PTPRT: variants seen among roughly 807,000 people sequenced by gnomAD.
PTPRT encodes the protein protein tyrosine phosphatase receptor type T.
Under a neutral mutation model 176.8 loss-of-function variants are expected in PTPRT, and 56 were observed. The observed-to-expected ratio is 0.32, with a 90% CI of 0.26 to 0.40. The LOEUF (loss-of-function observed/expected upper bound fraction) is 0.40. PTPRT is among the 10% of genes least tolerant of loss of function. The probability of loss-of-function intolerance (pLI) is 1.00; values close to 1 mark genes in which losing one functional copy is unlikely to be tolerated. For synonymous variants in PTPRT, 783 were observed against 739.0 expected (o/e 1.06, Z -0.96); for missense variants, 1,540 against 1,908.2 (o/e 0.81, Z 3.60).
At chr20:42,032,339 G>A in the PTPRT span, among the ~76,000 whole-genome samples, 3 of 152,112 alleles carry the variant, frequency 2.0e-5, no homozygotes, top group Non-Finnish European at 4.4e-5. Context: ...TCAATGTCCT[G>A]GAAGAGAAGA....
chr20:42,581,671 A>C (rs1204345761), intron 7 of PTPRT, among the ~76,000 whole-genome samples: 1 of 152,224 alleles, frequency 6.6e-6, no homozygotes, highest in Admixed American at 6.5e-5. Context: ...GTTTGCATAG[A>C]GAAGGAAATA....
intron 2 of PTPRT, among the ~76,000 whole-genome samples, chr20:42,861,609 GA>G (rs1301857352): frequency 6.6e-6 from 1 of 151,656 alleles, no homozygotes; most frequent in Non-Finnish European, 1.5e-5. Flanking sequence ...TTCTCTTAGG[GA>G]AAACAGTTAC....
At chr20:42,525,335 T>C (rs927182408) in intron 7 of PTPRT, among the ~76,000 whole-genome samples, 11 of 152,202 alleles carry the variant, frequency 7.2e-5, no homozygotes, top group African/African-American at 2.4e-4. Context: ...TATTTGGTCA[T>C]TCACTGAGGG....
intron 1 of PTPRT, among the ~76,000 whole-genome samples, chr20:43,001,569 G>C (rs1001203605): frequency 1.3e-5 from 2 of 151,498 alleles, no homozygotes; most frequent in Non-Finnish European, 2.9e-5. Flanking sequence ...TTCTTAAAAT[G>C]AATCCAAAAC....
At chr20:43,132,844 C>A (rs2013688672) in intron 1 of PTPRT, among the ~76,000 whole-genome samples, 1 of 151,918 alleles carries the variant, frequency 6.6e-6, no homozygotes, top group East Asian at 1.9e-4. Flanking sequence ...TAGTTATTTG[C>A]AAAACTTGGA....
In PTPRT at chr20:42,472,485, C is replaced by T. The variant is rs756719404; in HGVS notation, c.1231G>A (p.Gly411Ser). 22 of 1,614,120 alleles carry T rather than the reference C, an allele frequency of 1.4e-5. No homozygotes were observed. Among genetic ancestry groups the T allele is most frequent in the South Asian group, 5.5e-5 (5 of 91,088 alleles). Reference protein sequence around the residue: ...RQLTLQWEPFGYAVTRCHSYN... With the variant: ...RQLTLQWEPFSYAVTRCHSYN... ...CTATGGCAGCGGGTCACCGCGTAGC[C>T]GAAGGGCTCCCACTGCAGGGTCAGC... Residue 411 changes from glycine to serine, a missense_variant, in exon 8 of 31, where the codon GGC (glycine) becomes AGC (serine). Gly to Ser is a moderately conservative substitution (Grantham distance 56, BLOSUM62 0). Transcript: ENST00000373187.
At chr20:43,172,869 CTTTT>C (rs1156414727) in intron 1 of PTPRT, among the ~76,000 whole-genome samples, 2 of 117,512 alleles carry the variant, frequency 1.7e-5, no homozygotes, top group African/African-American at 3.4e-5. Context: ...AGTCTGCAGT[CTTTT>C]TTTTTTTTTT....
rs749979947 is a variant in PTPRT, at chr20:42,199,275, C to G, written c.2456G>C (p.Gly819Ala). 9.3e-6 allele frequency: 15 copies of G among 1,614,046 alleles called. No individual in the cohort carries two copies. The highest frequency in any genetic ancestry group is 8.8e-5 in the South Asian group (8 of 91,070). The part of the protein sequence containing the change: ...TKLSASRNDE[G>A]FSSSSQDVNG... ...GACGTCCTGAGAACTAGAAGAGAAG[C>G]CTTCATCATTGCGGCTGGCGCTGAG... The change falls in exon 16 of 31, where the codon GGC becomes GCC. Residue 819 changes from glycine to alanine, a missense_variant. Physicochemically the swap from Gly to Ala is moderately conservative, Grantham distance 60. This residue lies in a region of PTPRT where 255 missense variants were observed against 250.1 expected (regional missense o/e 1.02). Coordinates refer to ENST00000373187, the MANE Select transcript of PTPRT (RefSeq NM_007050.6).
At chr20:42,200,955 T>C (rs1991424069) in intron 15 of PTPRT, among the ~76,000 whole-genome samples, 1 of 152,202 alleles carries the variant, frequency 6.6e-6, no homozygotes, top group South Asian at 2.1e-4. Context: ...GCCCCACTGA[T>C]CATGAAACAG....
chr20:42,142,997 C>T (rs2146421631), intron 17 of PTPRT, among the ~76,000 whole-genome samples: 1 of 152,130 alleles, frequency 6.6e-6, no homozygotes, highest in South Asian at 2.1e-4. Flanking sequence ...CAGGCAGCAA[C>T]CAAATGACCA....
At chr20:42,293,554 T>A (rs1412189393) in intron 12 of PTPRT, among the ~76,000 whole-genome samples, 1 of 152,184 alleles carries the variant, frequency 6.6e-6, no homozygotes, top group East Asian at 1.9e-4. Context: ...ATCATTTGTA[T>A]CCTAACTTTT....
chr20:43,020,156 ATG>A (rs1473850786), intron 1 of PTPRT, among the ~76,000 whole-genome samples: 9 of 146,238 alleles, frequency 6.2e-5, no homozygotes, highest in South Asian at 2.1e-4. Flanking sequence ...ACATATGTGC[ATG>A]TGTGTTTGTC....
At chr20:42,908,290 C>G (rs888194359) in intron 1 of PTPRT, among the ~76,000 whole-genome samples, 1 of 152,130 alleles carries the variant, frequency 6.6e-6, no homozygotes, top group Non-Finnish European at 1.5e-5. Context: ...AGAAGCACGT[C>G]TGAATTTTTA....
intron 7 of PTPRT, among the ~76,000 whole-genome samples, chr20:42,545,504 A>T (rs1001130350): frequency 2.0e-5 from 3 of 152,032 alleles, no homozygotes; most frequent in Non-Finnish European, 4.4e-5. Context: ...ATTTTGCTCA[A>T]CCCACACTTT....
intron 1 of PTPRT, among the ~76,000 whole-genome samples, chr20:43,155,389 C>T (rs1426598347): frequency 6.6e-6 from 1 of 152,050 alleles, no homozygotes; most frequent in Non-Finnish European, 1.5e-5. Flanking sequence ...TGTGGATAAA[C>T]CTGGAGGACA....
chr20:42,994,090 G>A (rs148711111), intron 1 of PTPRT, among the ~76,000 whole-genome samples: 11 of 152,194 alleles, frequency 7.2e-5, no homozygotes, highest in East Asian at 1.9e-4. Context: ...GTGTGGCACC[G>A]GTATGTATTC....
At chr20:42,303,874 C>G (rs367546237) in intron 12 of PTPRT, among the ~76,000 whole-genome samples, 4 of 152,072 alleles carry the variant, frequency 2.6e-5, no homozygotes, top group East Asian at 1.9e-4. Context: ...AGCAGGAAAC[C>G]CAGACTTTGC....
intron 15 of PTPRT, among the ~76,000 whole-genome samples, chr20:42,208,162 C>A (rs2055522015): frequency 8.2e-6 from 1 of 122,268 alleles, no homozygotes; most frequent in African/African-American, 3.4e-5. Context: ...TGGAAAGGAG[C>A]AACCGGTACC....
At chr20:42,145,579 A>G (rs1236150489) in intron 17 of PTPRT, among the ~76,000 whole-genome samples, 1 of 152,132 alleles carries the variant, frequency 6.6e-6, no homozygotes, top group Non-Finnish European at 1.5e-5. Flanking sequence ...CTATGGCTAT[A>G]GCTTGCTGAC....
Sources: allele counts gnomAD v4.1 joint callset (sites outside exome capture counted in the v4.1 genomes callset), GRCh38; gene constraint gnomAD v4.1.1; regional missense constraint gnomAD v4.1.1; transcripts MANE v1.5; gene names NCBI Gene and HGNC (gene_info 2026-07-23, HGNC 2026-07-21).